The following ARHGAP12 variants were observed in gnomAD, a reference collection of about 807,000 sequenced individuals.
ARHGAP12 encodes rho GTPase-activating protein 12.
A neutral mutation model predicts 108.6 loss-of-function variants in ARHGAP12; 64 were observed. The ratio of observed to expected loss-of-function variants is 0.59; its 90% CI spans 0.48 to 0.73. The LOEUF (loss-of-function observed/expected upper bound fraction) is 0.73. Ranked by LOEUF, ARHGAP12 falls within the 30% of genes least tolerant of loss-of-function variation. The pLI is 0.00. For missense variants in ARHGAP12, 940 were observed against 1,005.9 expected (o/e 0.93, Z 0.89); for synonymous variants, 312 against 337.2 (o/e 0.93, Z 0.82).
chr10:31,890,720 G>C (rs2132399603), intron 3 of ARHGAP12, among the ~76,000 whole-genome samples: 1 of 152,110 alleles, frequency 6.6e-6, no homozygotes, highest in East Asian at 1.9e-4. Context: ...GTTTACACTT[G>C]TTTTTAGATT....
At chr10:31,855,924 T>A (rs114042007) in intron 4 of ARHGAP12, among the ~76,000 whole-genome samples, 1 of 152,196 alleles carries the variant, frequency 6.6e-6, no homozygotes, top group Non-Finnish European at 1.5e-5. Context: ...AAAATAGTTG[T>A]TTAATGGCAG....
chr10:31,813,418 T>G (rs1370088046), intron 14 of ARHGAP12, among the ~76,000 whole-genome samples: 1 of 152,186 alleles, frequency 6.6e-6, no homozygotes, highest in Non-Finnish European at 1.5e-5. Context: ...TTTTCTGTTA[T>G]AGTAACAAAA....
At position 31,807,652 on chromosome 10, in the gene ARHGAP12, T is replaced by C. The variant is rs1192526982; in HGVS notation, c.*6A>G. On this transcript the variant is annotated 3_prime_UTR_variant, in exon 20 of 20. Coordinates refer to ENST00000344936, the MANE Select transcript of ARHGAP12 (RefSeq NM_018287.7). ...CTTCTATTCCACAGGTTGTCTTCAGTAAGAATCAACGTCCGAAGATGGAAC... is the reference window on the plus strand; with the variant it reads ...CTTCTATTCCACAGGTTGTCTTCAGCAAGAATCAACGTCCGAAGATGGAAC... The C allele has an allele frequency of 6.3e-7, 1 of 1,597,288 alleles. No homozygotes were observed. The highest frequency in any genetic ancestry group is 1.4e-5 in the African/African-American group (1 of 73,784).
At chr10:31,822,936 C>T (rs751388137) in intron 11 of ARHGAP12, among the ~76,000 whole-genome samples, 9 of 152,108 alleles carry the variant, frequency 5.9e-5, no homozygotes, top group Non-Finnish European at 1.0e-4. Flanking sequence ...CCACCGACAA[C>T]AAATAATTAT....
At position 31,906,382 on chromosome 10, in the gene ARHGAP12, TA is replaced by T. The variant is rs1231133418; in HGVS notation, c.684+1789del. 2.0e-5 allele frequency among the ~76,000 whole-genome samples: 3 copies of T among 152,338 alleles called. No homozygotes were observed. In the East Asian group the frequency reaches 5.8e-4, roughly 29 times the overall value. On this transcript the variant is annotated intron_variant, in intron 3 of 19. Coordinates refer to ENST00000344936, the MANE Select transcript of ARHGAP12 (RefSeq NM_018287.7). Reference sequence around the variant, plus strand: ...CCTCAAGAACCGTGACCCCAATTTTTAAATGAAGAAACTAAAACACACAGAG... The same window carrying T: ...CCTCAAGAACCGTGACCCCAATTTTTAATGAAGAAACTAAAACACACAGAG...
At chr10:31,875,881 C>T (rs1837709203) in intron 3 of ARHGAP12, among the ~76,000 whole-genome samples, 1 of 152,196 alleles carries the variant, frequency 6.6e-6, no homozygotes, top group South Asian at 2.1e-4. Flanking sequence ...CACCATTCTA[C>T]TTTCTGTCTC....
chr10:31,916,341 A>G (rs1487654173), intron 1 of ARHGAP12, among the ~76,000 whole-genome samples: 1 of 150,948 alleles, frequency 6.6e-6, no homozygotes, highest in Non-Finnish European at 1.5e-5. Context: ...AACAACCACC[A>G]CCCCCGACAC....
chr10:31,808,422 A>T, intron 19 of ARHGAP12: 1 of 383,070 alleles, frequency 2.6e-6, no homozygotes, highest in Non-Finnish European at 4.8e-6. Context: ...TGTGCTAAGC[A>T]TTACATAAAT....
rs957322630 is a variant in ARHGAP12 at position 31,881,978 on chromosome 10, G to A, written c.685-20320C>T. 6.0e-5 allele frequency among the ~76,000 whole-genome samples: 9 copies of A among 150,118 alleles called. 1 individual carries two copies. Among genetic ancestry groups the A allele is most frequent in the Non-Finnish European group, 1.2e-4 (8 of 67,538 alleles). ...CGCCCAGGCTGGAGTGCAGTGGCTG[G>A]ATCTCGGCTCACTGCAAGCTCCGCC... On this transcript the variant is annotated intron_variant, in intron 3 of 19. Transcript: ENST00000344936.
At chr10:31,924,295 A>C (rs568200058) in intron 1 of ARHGAP12, among the ~76,000 whole-genome samples, 1 of 152,246 alleles carries the variant, frequency 6.6e-6, no homozygotes, top group Non-Finnish European at 1.5e-5. Context: ...AAGGCCTATG[A>C]ACTTGTGAAT....
chr10:31,900,678 T>C (rs181722962), intron 3 of ARHGAP12, among the ~76,000 whole-genome samples: 14 of 152,312 alleles, frequency 9.2e-5, no homozygotes, highest in Middle Eastern at 3.4e-3. Flanking sequence ...AGATGACTGG[T>C]TGCCAGAAGT....
At chr10:31,867,901 TAA>T (rs147528775) in intron 3 of ARHGAP12, among the ~76,000 whole-genome samples, 1 of 146,338 alleles carries the variant, frequency 6.8e-6, no homozygotes, top group African/African-American at 2.5e-5. Context: ...ATTTCTGATT[TAA>T]AAAAAAAAAA....
intron 1 of ARHGAP12, among the ~76,000 whole-genome samples, chr10:31,922,964 CAA>C (rs1282350982): frequency 6.6e-6 from 1 of 151,766 alleles, no homozygotes; most frequent in Non-Finnish European, 1.5e-5. Context: ...CCCGTCTCTA[CAA>C]AAAAAGTTTA....
At chr10:31,856,926 A>G (rs1009730953) in intron 4 of ARHGAP12, among the ~76,000 whole-genome samples, 1 of 152,246 alleles carries the variant, frequency 6.6e-6, no homozygotes, top group Non-Finnish European at 1.5e-5. Flanking sequence ...AAAACTATAA[A>G]GAATATTACT....
chr10:31,916,314 C>T (rs1839553313), intron 1 of ARHGAP12, among the ~76,000 whole-genome samples: 1 of 152,152 alleles, frequency 6.6e-6, no homozygotes, highest in Non-Finnish European at 1.5e-5. Flanking sequence ...TCTTCCTCCT[C>T]CCTTTTTCCA....
chr10:31,927,029 T>C (rs377098509), intron 1 of ARHGAP12, among the ~76,000 whole-genome samples: 39 of 152,324 alleles, frequency 2.6e-4, no homozygotes, highest in African/African-American at 9.1e-4. Context: ...CGCATAAATA[T>C]ACATACACAC....
chr10:31,846,514 T>C (rs893365542), intron 6 of ARHGAP12, among the ~76,000 whole-genome samples: 3 of 152,232 alleles, frequency 2.0e-5, no homozygotes, highest in Non-Finnish European at 2.9e-5. Flanking sequence ...TCTTTTCTTC[T>C]AGCATTTGAA....
intron 3 of ARHGAP12, among the ~76,000 whole-genome samples, chr10:31,861,943 T>C (rs986453377): frequency 2.6e-5 from 4 of 152,230 alleles, no homozygotes; most frequent in Non-Finnish European, 5.9e-5. Context: ...GATCTGGCAC[T>C]AACAAGTTGT....
At chr10:31,910,139 A>G (rs1839286762) in intron 2 of ARHGAP12, among the ~76,000 whole-genome samples, 1 of 152,158 alleles carries the variant, frequency 6.6e-6, no homozygotes, top group African/African-American at 2.4e-5. Context: ...CAGACCAGTG[A>G]GAGAATAAAA....
Sources: gnomAD v4.1 joint callset for allele counts (sites outside exome capture counted in the v4.1 genomes callset) on GRCh38, gnomAD v4.1.1 for gene constraint, MANE v1.5 for transcripts, NCBI Gene and HGNC (gene_info 2026-07-23, HGNC 2026-07-21) for gene names.